JAKMIP1: variants seen among roughly 807,000 people sequenced by gnomAD.
JAKMIP1 encodes janus kinase and microtubule-interacting protein 1.
JAKMIP1 carries 33 observed loss-of-function variants against 113.0 expected under a neutral mutation model. The ratio of observed to expected loss-of-function variants is 0.29; its 90% CI spans 0.22 to 0.39. The LOEUF (loss-of-function observed/expected upper bound fraction) is 0.39, where lower values mean the gene tolerates loss of function less well. JAKMIP1 is among the 10% of genes least tolerant of loss of function. The pLI, the probability that JAKMIP1 is intolerant of heterozygous loss-of-function variation, is 1.00. For missense variants in JAKMIP1, 813 were observed against 1,080.5 expected, an observed-to-expected ratio of 0.75 and a Z score of 3.47; for synonymous variants, 480 against 459.9, an observed-to-expected ratio of 1.04 and a Z score of -0.56.
chr4:6,132,651 A>AAAT (rs1560245136), intron 1 of JAKMIP1, among the ~76,000 whole-genome samples: 1 of 130,680 alleles, frequency 7.7e-6, no homozygotes, highest in African/African-American at 2.5e-5. Flanking sequence ...CAAAAATAAA[A>AAAT]AAAAAAAAAA....
chr4:6,086,836 C>T lies in JAKMIP1; in HGVS notation c.625-1207G>A, dbSNP rs980575772. 6.6e-5 allele frequency among the ~76,000 whole-genome samples: 10 copies of T among 151,880 alleles called. No homozygotes were observed. The highest frequency in any genetic ancestry group is 2.2e-4 in the African/African-American group (9 of 41,332). On this transcript the variant is annotated intron_variant, in intron 3 of 20. Coordinates refer to ENST00000409021, the MANE Select transcript of JAKMIP1 (RefSeq NM_001099433.2). This position sits in a 1 kb window ranked among gnomAD's most constrained non-coding sequence, Gnocchi z 4.1. ...AGAAGAGAGACACAGAGGGGAAGGC[C>T]GTGTAAGGACGGAGGCAGAGGCTGG...
At chr4:6,055,121 C>T (rs1716201607) in intron 12 of JAKMIP1, among the ~76,000 whole-genome samples, 1 of 152,174 alleles carries the variant, frequency 6.6e-6, no homozygotes, top group Admixed American at 6.5e-5. Context: ...CCACCAGGGC[C>T]AGGCCAGGTT....
Position 6,136,797 on chromosome 4 carries a change from T to C in JAKMIP1, c.-147-23800A>G, listed in dbSNP as rs984295084. 6.6e-6 allele frequency among the ~76,000 whole-genome samples: 1 copy of C among 152,208 alleles called. No homozygotes were observed. The highest frequency in any genetic ancestry group is 1.5e-5 in the Non-Finnish European group (1 of 68,036). ...CAACCCACATCGTGGGGGTCCTGAC[T>C]ACACAGAAAGCCCTCGAGAACCACT... On this transcript the variant is annotated intron_variant, in intron 1 of 20. Transcript: ENST00000409021. The surrounding 1 kb of genome is among the most constrained non-coding windows in gnomAD (Gnocchi z 5.9).
intron 20 of JAKMIP1, among the ~76,000 whole-genome samples, chr4:6,027,481 A>G (rs1013986951): frequency 3.9e-5 from 6 of 152,200 alleles, no homozygotes; most frequent in Admixed American, 2.6e-4. Flanking sequence ...GTTTCTGGCA[A>G]TGACGAAGGG....
In JAKMIP1 at chr4:6,080,357, A is replaced by G; in HGVS notation, c.1102-45T>C. 1 of 1,601,414 alleles carries G rather than the reference A, an allele frequency of 6.2e-7. No individual in the cohort carries two copies. Among genetic ancestry groups the G allele is most frequent in the Non-Finnish European group, 8.5e-7 (1 of 1,173,424 alleles). ...GACCACCACAGGGTTACCCGCCAAC[A>G]GTGTTTGTTAGGGACAGTGCTGGAG... is the stretch of plus-strand genomic sequence containing the variant. On this transcript the variant is annotated intron_variant, in intron 6 of 20. Transcript: ENST00000409021. The surrounding 1 kb of genome is among the most constrained non-coding windows in gnomAD (Gnocchi z 6.0).
intron 19 of JAKMIP1, among the ~76,000 whole-genome samples, chr4:6,033,366 T>G (rs531574149): frequency 6.6e-6 from 1 of 152,234 alleles, no homozygotes; most frequent in African/African-American, 2.4e-5. Context: ...TTGTGTTAGG[T>G]AGTGTCGCCC....
intron 1 of JAKMIP1, among the ~76,000 whole-genome samples, chr4:6,177,922 G>C (rs1283698859): frequency 6.6e-6 from 1 of 152,188 alleles, no homozygotes; most frequent in Non-Finnish European, 1.5e-5. Context: ...AGTTAATTTT[G>C]CACAGAAGAG....
rs1719366103 is a variant in JAKMIP1, at chr4:6,137,175, C to T, written c.-147-24178G>A. Among the ~76,000 whole-genome samples the T allele has an allele frequency of 6.6e-6, 1 of 152,162 alleles. No individual in the cohort carries two copies. Among genetic ancestry groups the T allele is most frequent in the African/African-American group, 2.4e-5 (1 of 41,434 alleles). On this transcript the variant is annotated intron_variant, in intron 1 of 20. Transcript: ENST00000409021. The surrounding 1 kb of genome is among the most constrained non-coding windows in gnomAD (Gnocchi z 4.5). ...CTCCCTTGCCTTGCAGAGCCTCCCC[C>T]ATAGGGCTTGGAATCGAGCCACATG...
In JAKMIP1 at chr4:6,051,328, T is replaced by G. The variant is rs1230128002; in HGVS notation, c.1807-649A>C. ...ACCTCCACCTCCCGGGTTCAAGTGA[T>G]TCTCCTGCCTCAGCCTCCCAAGTAG... On this transcript the variant is annotated intron_variant, in intron 13 of 20. Coordinates refer to ENST00000409021, the MANE Select transcript of JAKMIP1 (RefSeq NM_001099433.2). The surrounding 1 kb of genome is among the most constrained non-coding windows in gnomAD (Gnocchi z 5.0). Among the ~76,000 whole-genome samples, 1 of 152,108 alleles carries G rather than the reference T, an allele frequency of 6.6e-6. No homozygotes were observed. Among genetic ancestry groups the G allele is most frequent in the Non-Finnish European group, 1.5e-5 (1 of 68,022 alleles).
At chr4:6,164,809 G>A (rs1723416356) in intron 1 of JAKMIP1, among the ~76,000 whole-genome samples, 2 of 152,210 alleles carry the variant, frequency 1.3e-5, no homozygotes, top group Admixed American at 6.5e-5. Context: ...AATGAGAAGT[G>A]GATTCCGAAG....
At position 6,185,238 on chromosome 4, in the gene JAKMIP1, C is replaced by G. The variant is rs937358046; in HGVS notation, c.-148+15015G>C. Among the ~76,000 whole-genome samples the G allele has an allele frequency of 6.6e-6, 1 of 152,194 alleles. No homozygotes were observed. The highest frequency in any genetic ancestry group is 2.1e-4 in the South Asian group (1 of 4,826). On this transcript the variant is annotated intron_variant, in intron 1 of 20. Coordinates refer to ENST00000409021, the MANE Select transcript of JAKMIP1 (RefSeq NM_001099433.2). This position sits in a 1 kb window ranked among gnomAD's most constrained non-coding sequence, Gnocchi z 5.3. ...AACTTCCTTTCATATATACATCTAT[C>G]CTATCAGTTCTGTCCCTCTCGAGAA...
chr4:6,125,959 G>A (rs62635966), intron 1 of JAKMIP1, among the ~76,000 whole-genome samples: 71,044 of 96,846 alleles, frequency 0.73, 25,248 homozygotes, highest in Middle Eastern at 0.83. Flanking sequence ...CCATGCACAC[G>A]CACACCATAC....
intron 11 of JAKMIP1, among the ~76,000 whole-genome samples, chr4:6,057,385 G>A (rs893289499): frequency 6.6e-6 from 1 of 152,214 alleles, no homozygotes; most frequent in Non-Finnish European, 1.5e-5. Context: ...AGCTGGGGCT[G>A]GGCTGAGGCC....
rs1726450191 is a variant in JAKMIP1, at chr4:6,184,737, G to A, written c.-148+15516C>T. ...TGCATAACTACAGGATAAGTGGAGT[G>A]ATGGTTAATATTGAGTGTCAACTCG... is the stretch of plus-strand genomic sequence containing the variant. On this transcript the variant is annotated intron_variant, in intron 1 of 20. Transcript: ENST00000409021. The surrounding 1 kb of genome is among the most constrained non-coding windows in gnomAD (Gnocchi z 4.5). 6.6e-6 allele frequency among the ~76,000 whole-genome samples: 1 copy of A among 152,188 alleles called. No homozygotes were observed. The highest frequency in any genetic ancestry group is 2.4e-5 in the African/African-American group (1 of 41,448).
chr4:6,117,109 G>A (rs984870053), intron 1 of JAKMIP1, among the ~76,000 whole-genome samples: 2 of 152,178 alleles, frequency 1.3e-5, no homozygotes, highest in Admixed American at 6.5e-5. Context: ...CCGTGAAGCT[G>A]GCCCAGGACA....
chr4:6,097,257 G>T lies in JAKMIP1; in HGVS notation c.624+8216C>A, dbSNP rs1711959155. Among the ~76,000 whole-genome samples the T allele has an allele frequency of 6.6e-6, 1 of 152,168 alleles. No homozygotes were observed. The highest frequency in any genetic ancestry group is 2.4e-5 in the African/African-American group (1 of 41,436). On this transcript the variant is annotated intron_variant, in intron 3 of 20. Transcript: ENST00000409021. The surrounding 1 kb of genome is among the most constrained non-coding windows in gnomAD (Gnocchi z 4.3). ...AGCAATCCTCCCACCTCAGCCTCCT[G>T]ATGTATTGGGATTACAGTCATGAGC...
Position 6,053,449 on chromosome 4 carries a change from G to GT in JAKMIP1, c.1806+600dup, listed in dbSNP as rs143749937. Among the ~76,000 whole-genome samples, 1,146 of 152,284 alleles carry GT rather than the reference G, an allele frequency of 7.5e-3. 12 individuals are homozygous for GT. The highest frequency in any genetic ancestry group is 0.026 in the African/African-American group (1,088 of 41,554). ...TACTGGATAAAAGAGTTTGAACAACGTAACTAGTTTTCTTAAACGCCTATG... is the reference window on the plus strand; with the variant it reads ...TACTGGATAAAAGAGTTTGAACAACGTTAACTAGTTTTCTTAAACGCCTATG... On this transcript the variant is annotated intron_variant, in intron 13 of 20. Coordinates refer to ENST00000409021, the MANE Select transcript of JAKMIP1 (RefSeq NM_001099433.2).
intron 8 of JAKMIP1, among the ~76,000 whole-genome samples, chr4:6,071,578 C>T (rs1388459388): frequency 2.0e-5 from 3 of 152,228 alleles, no homozygotes; most frequent in Non-Finnish European, 4.4e-5. Flanking sequence ...GGTAATGGCA[C>T]CTGTCCCTTC....
intron 4 of JAKMIP1, 56 bp from the exon 5 acceptor site, chr4:6,085,021 A>AGTTGTGTG (rs1348170852): frequency 6.6e-7 from 1 of 1,523,568 alleles, no homozygotes; most frequent in East Asian, 2.3e-5. Context: ...ACTTTGAAGA[A>AGTTGTGTG]GTTGTGTGGA....
Sources: allele counts gnomAD v4.1 joint callset (sites outside exome capture counted in the v4.1 genomes callset), GRCh38; gene constraint gnomAD v4.1.1; non-coding constraint Gnocchi (gnomAD v3.1); transcripts MANE v1.5; gene names NCBI Gene and HGNC (gene_info 2026-07-23, HGNC 2026-07-21).